The following TFCP2L1 variants were observed in gnomAD, a reference collection of about 807,000 sequenced individuals.
TFCP2L1 encodes transcription factor CP2-like protein 1.
A neutral mutation model predicts 72.2 loss-of-function variants in TFCP2L1; 12 were observed. The observed-to-expected ratio is 0.17, with a 90% CI of 0.11 to 0.27. TFCP2L1 has a LOEUF of 0.27. Among genes scored for constraint, TFCP2L1 ranks in the 10% least tolerant of loss-of-function variants. The pLI, the probability that TFCP2L1 is intolerant of heterozygous loss-of-function variation, is 1.00. For missense variants in TFCP2L1, 488 were observed against 624.6 expected (o/e 0.78, Z 2.33); for synonymous variants, 260 against 251.0 (o/e 1.04, Z -0.34).
Position 121,224,085 on chromosome 2 carries a change from C to A in TFCP2L1, c.*256G>T. ...CCCTTTTAGAACGTCAGGGTTGGAC[C>A]AATAGAAAAGAACAAGGAACCATTC... On this transcript the variant is annotated 3_prime_UTR_variant, in exon 15 of 15. Transcript: ENST00000263707. The A allele has an allele frequency of 1.8e-6, 1 of 559,788 alleles. No individual in the cohort carries two copies. The highest frequency in any genetic ancestry group is 3.2e-6 in the Non-Finnish European group (1 of 313,324). 34.7% of individuals were successfully genotyped at this position (559,788 alleles called of 1,614,324 possible).
rs1020822001 is a variant in TFCP2L1, at chr2:121,218,977, C to A, written c.*5364G>T. 6.6e-6 allele frequency: 1 copy of A among 152,266 alleles called. No homozygotes were observed. Among genetic ancestry groups the A allele is most frequent in the East Asian group, 1.9e-4 (1 of 5,174 alleles). 9.4% of individuals were successfully genotyped at this position (152,266 alleles called of 1,614,324 possible). A position where few individuals can be genotyped will look rare whatever the true frequency, so the allele number is the denominator to read the frequency against. On this transcript the variant is annotated 3_prime_UTR_variant, in exon 15 of 15. Coordinates refer to ENST00000263707, the MANE Select transcript of TFCP2L1 (RefSeq NM_014553.3). ...GCCCTCAAGCCCTGTCCCTAAGGGGCGATGGGAAGGAGGTGGCAATCAGAA... is the reference window on the plus strand; with the variant it reads ...GCCCTCAAGCCCTGTCCCTAAGGGGAGATGGGAAGGAGGTGGCAATCAGAA...
chr2:121,278,179 GGCGCCCGCCACC>G (rs1687184752), intron 2 of TFCP2L1, among the ~76,000 whole-genome samples: 1 of 148,444 alleles, frequency 6.7e-6, no homozygotes, highest in South Asian at 2.1e-4. Flanking sequence ...TGGGACTACA[GGCGCCCGCCACC>G]GCGCCCGGCT....
chr2:121,256,602 C>T (rs1017371189), intron 2 of TFCP2L1, among the ~76,000 whole-genome samples: 9 of 151,938 alleles, frequency 5.9e-5, no homozygotes, highest in African/African-American at 2.2e-4. Flanking sequence ...CATGGTGACA[C>T]CCCGTCTCTA....
chr2:121,266,477 C>T (rs965460650), intron 2 of TFCP2L1, among the ~76,000 whole-genome samples: 1 of 152,164 alleles, frequency 6.6e-6, no homozygotes, highest in Non-Finnish European at 1.5e-5. Flanking sequence ...GGGTCCTCTC[C>T]TCCAGCCCCA....
At chr2:121,239,684 G>A (rs1388625941) in intron 7 of TFCP2L1, 35 bp from the exon 8 acceptor site, 8 of 1,597,156 alleles carry the variant, frequency 5.0e-6, no homozygotes, top group Non-Finnish European at 6.0e-6. Context: ...CTGGGATCTG[G>A]AGAGGCGCTG....
chr2:121,268,160 A>T (rs2104744975), intron 2 of TFCP2L1, among the ~76,000 whole-genome samples: 1 of 152,258 alleles, frequency 6.6e-6, no homozygotes, highest in East Asian at 1.9e-4. Context: ...CTATTAATTT[A>T]TTGGTATTTT....
rs1416996681 is a variant in TFCP2L1 at position 121,223,581 on chromosome 2, T to TC, written c.*759dup. The TC allele has an allele frequency of 6.6e-6, 1 of 152,536 alleles. No individual in the cohort carries two copies. The highest frequency in any genetic ancestry group is 1.5e-5 in the Non-Finnish European group (1 of 68,100). The allele number at this position is 152,536 out of a possible 1,614,324, so 9.4% of individuals were successfully genotyped here. A position where few individuals can be genotyped will look rare whatever the true frequency, so the allele number is the denominator to read the frequency against. ...ATAAAATAGTCTTTTTCTATTACCATCCCCCTAACCTCCCCACAAAGGGCC... is the reference window on the plus strand; with the variant it reads ...ATAAAATAGTCTTTTTCTATTACCATCCCCCCTAACCTCCCCACAAAGGGCC... On this transcript the variant is annotated 3_prime_UTR_variant, in exon 15 of 15. Transcript: ENST00000263707.
intron 7 of TFCP2L1, among the ~76,000 whole-genome samples, chr2:121,241,430 A>G (rs1686365216): frequency 6.6e-6 from 1 of 152,122 alleles, no homozygotes; most frequent in Non-Finnish European, 1.5e-5. Flanking sequence ...CCAGGAGATG[A>G]AGGTTGCAGT....
Position 121,239,641 on chromosome 2 carries a change from T to C in TFCP2L1, c.777A>G (p.Pro259=), listed in dbSNP as rs770963484. The change falls in exon 8 of 15, where the codon CCA becomes CCG. Residue 259 remains proline, a synonymous_variant. Coordinates refer to ENST00000263707, the MANE Select transcript of TFCP2L1 (RefSeq NM_014553.3). ...YETTILTECS[P]WPDVAYQVNS... is the part of the protein sequence containing the mutation. ...TCACCTGGTAGGCCACGTCGGGCCATGGAGAGCACTGCAGGAGAGAGCACA... is the reference window on the plus strand; with the variant it reads ...TCACCTGGTAGGCCACGTCGGGCCACGGAGAGCACTGCAGGAGAGAGCACA... 22 of 1,613,956 alleles carry C rather than the reference T, an allele frequency of 1.4e-5. No homozygotes were observed. Among genetic ancestry groups the C allele is most frequent in the Middle Eastern group, 1.6e-4 (1 of 6,084 alleles).
chr2:121,247,002 G>C (rs1280021978), intron 5 of TFCP2L1, 32 bp from the exon 6 acceptor site: 1 of 1,613,028 alleles, frequency 6.2e-7, no homozygotes, highest in Non-Finnish European at 8.5e-7. Flanking sequence ...AGGTGGCAAG[G>C]AGGCACCAAG....
chr2:121,229,262 G>A (rs1190101917), intron 13 of TFCP2L1, among the ~76,000 whole-genome samples: 1 of 152,112 alleles, frequency 6.6e-6, no homozygotes, highest in Non-Finnish European at 1.5e-5. Context: ...GGCACACACA[G>A]AGACAAGAGC....
At chr2:121,225,524 G>T in intron 14 of TFCP2L1, 38 bp downstream of exon 14, 1 of 1,604,056 alleles carries the variant, frequency 6.2e-7, no homozygotes. Context: ...CCTCTCACCT[G>T]CCCCCACAAC....
intron 2 of TFCP2L1, among the ~76,000 whole-genome samples, chr2:121,254,783 A>G (rs1686682785): frequency 1.3e-5 from 2 of 151,326 alleles, no homozygotes; most frequent in African/African-American, 4.9e-5. Flanking sequence ...AGCCTGGGGG[A>G]GAGAGCGAGA....
chr2:121,269,500 C>T (rs557489776), intron 2 of TFCP2L1, among the ~76,000 whole-genome samples: 5 of 152,034 alleles, frequency 3.3e-5, no homozygotes, highest in East Asian at 3.9e-4. Flanking sequence ...GTGGCTCATG[C>T]GTATAATCCC....
intron 14 of TFCP2L1, among the ~76,000 whole-genome samples, chr2:121,224,625 C>T (rs901365615): frequency 2.0e-5 from 3 of 152,210 alleles, no homozygotes; most frequent in South Asian, 2.1e-4. Context: ...TGAAAACCTA[C>T]GTTCCAAGGA....
intron 6 of TFCP2L1, among the ~76,000 whole-genome samples, chr2:121,242,898 C>T (rs1179067609): frequency 6.6e-6 from 1 of 152,214 alleles, no homozygotes; most frequent in Non-Finnish European, 1.5e-5. Context: ...CCCGCTAAGC[C>T]CCAGCTTACA....
At chr2:121,259,897 A>T (rs7557201) in intron 2 of TFCP2L1, among the ~76,000 whole-genome samples, 4,866 of 152,280 alleles carry the variant, frequency 0.032, 279 homozygotes, top group African/African-American at 0.11. Context: ...AAAACAAAGA[A>T]AAGAGGGGAA....
chr2:121,285,062 G>T lies in TFCP2L1; in HGVS notation c.48C>A (p.Ser16=). 6.6e-7 allele frequency: 1 copy of T among 1,518,284 alleles called. No individual in the cohort carries two copies. The highest frequency in any genetic ancestry group is 8.8e-7 in the Non-Finnish European group (1 of 1,135,414). 94.1% of individuals were successfully genotyped at this position (1,518,284 alleles called of 1,614,324 possible). A position where few individuals can be genotyped will look rare whatever the true frequency, so the allele number is the denominator to read the frequency against. Residue 16 remains serine (S), a synonymous_variant, in exon 1 of 15, where the codon TCC becomes TCA. Transcript: ENST00000263707. ...TQPEHYNQHN[S]GSYLRDVLAL... is the part of the protein sequence containing the mutation. ...GCGGCCCTTACCGCAGGTAGCTGCC[G>T]GAGTTGTGCTGGTTGTAGTGCTCGG...
chr2:121,248,395 GT>G (rs1686533606), intron 4 of TFCP2L1, 125 bp from the exon 5 acceptor site: 10 of 716,220 alleles, frequency 1.4e-5, no homozygotes, highest in Non-Finnish European at 2.2e-5. Context: ...CTCTGAAAAA[GT>G]TTTGCATAAC....
Sources: allele counts gnomAD v4.1 joint callset (sites outside exome capture counted in the v4.1 genomes callset), GRCh38; gene constraint gnomAD v4.1.1; transcripts MANE v1.5; gene names NCBI Gene and HGNC (gene_info 2026-07-23, HGNC 2026-07-21).